CACYBP: variants seen among roughly 807,000 people sequenced by gnomAD.
CACYBP encodes the protein calcyclin binding protein, also known as calcyclin-binding protein.
CACYBP carries 11 observed loss-of-function variants against 29.6 expected under a neutral mutation model. The observed-to-expected ratio is 0.37, with a 90% CI of 0.23 to 0.61. CACYBP has a LOEUF of 0.61. Among genes scored for constraint, CACYBP ranks in the 20% least tolerant of loss-of-function variants. CACYBP has a pLI of 0.65. For synonymous variants in CACYBP, 73 were observed against 88.3 expected (o/e 0.83, Z 0.97); for missense variants, 163 against 260.7 (o/e 0.63, Z 2.58).
rs548573392 is a variant in CACYBP at position 175,011,065 on chromosome 1, C to T, written c.*986C>T. Reference sequence around the variant, plus strand: ...GCTGCAGTGAGCTATGATGATGCCACTGTACTGCAGCTTGGGTAACAGATT... The same window carrying T: ...GCTGCAGTGAGCTATGATGATGCCATTGTACTGCAGCTTGGGTAACAGATT... On this transcript the variant is annotated 3_prime_UTR_variant, in exon 6 of 6. Transcript: ENST00000367679. 1 of 142,168 alleles carries T rather than the reference C, an allele frequency of 7.0e-6. No homozygotes were observed. Among genetic ancestry groups the T allele is most frequent in the East Asian group, 2.2e-4 (1 of 4,626 alleles). 8.8% of individuals were successfully genotyped at this position (142,168 alleles called of 1,614,324 possible). A position where few individuals can be genotyped will look rare whatever the true frequency, so the allele number is the denominator to read the frequency against.
intron 5 of CACYBP, 21 bp from the exon 6 acceptor site, chr1:175,009,902 G>C (rs367883295): frequency 1.4e-5 from 23 of 1,593,162 alleles, no homozygotes; most frequent in Non-Finnish European, 1.9e-5. Context: ...CCCCATTGTT[G>C]TATATGTTTT....
intron 1 of CACYBP, among the ~76,000 whole-genome samples, chr1:175,004,058 A>G (rs1051836800): frequency 3.3e-5 from 5 of 150,942 alleles, no homozygotes; most frequent in Non-Finnish European, 5.9e-5. Context: ...TTTTTTTTTT[A>G]TCTTTTGTCT....
At chr1:175,005,329 G>A (rs1015876195) in intron 2 of CACYBP, among the ~76,000 whole-genome samples, 1 of 134,178 alleles carries the variant, frequency 7.5e-6, no homozygotes, top group Non-Finnish European at 1.5e-5. Flanking sequence ...GTATAACAAT[G>A]TAGTAATACT....
chr1:175,002,977 C>T (rs532685507), intron 1 of CACYBP, among the ~76,000 whole-genome samples: 330 of 150,600 alleles, frequency 2.2e-3, no homozygotes, highest in Middle Eastern at 0.014. Flanking sequence ...TTTTTTGAAA[C>T]CATTACAATA....
At chr1:175,009,650 A>C (rs1574111760) in intron 5 of CACYBP, among the ~76,000 whole-genome samples, 1 of 151,804 alleles carries the variant, frequency 6.6e-6, no homozygotes, top group Non-Finnish European at 1.5e-5. Flanking sequence ...TCTCAAAAAA[A>C]AAAAAAAAAA....
At chr1:175,009,428 C>T (rs982526948) in intron 5 of CACYBP, among the ~76,000 whole-genome samples, 4 of 151,998 alleles carry the variant, frequency 2.6e-5, no homozygotes, top group Non-Finnish European at 5.9e-5. Flanking sequence ...GGCGGATCAC[C>T]TGAGGTCAGG....
At position 175,011,106 on chromosome 1, in the gene CACYBP, T is replaced by TAAAAAAAAAAAAAA. The variant is rs535813233; in HGVS notation, c.*1035_*1048dup. On this transcript the variant is annotated 3_prime_UTR_variant, in exon 6 of 6. Transcript: ENST00000367679. ...GTAACAGATTGAGAACCTGTCTCAT[T>TAAAAAAAAAAAAAA]AAAAAAAAAAAAAAAAAAAAAGCCG... 3.5e-5 allele frequency: 3 copies of TAAAAAAAAAAAAAA among 85,224 alleles called. No homozygotes were observed. Among genetic ancestry groups the TAAAAAAAAAAAAAA allele is most frequent in the African/African-American group, 9.4e-5 (2 of 21,234 alleles). The allele number at this position is 85,224 out of a possible 1,614,324, so 5.3% of individuals were successfully genotyped here. A position where few individuals can be genotyped will look rare whatever the true frequency, so the allele number is the denominator to read the frequency against.
At position 175,000,037 on chromosome 1, in the gene CACYBP, T is replaced by C; in HGVS notation, c.-144T>C. The C allele has an allele frequency of 8.3e-7, 1 of 1,208,666 alleles. No homozygotes were observed. The highest frequency in any genetic ancestry group is 1.2e-6 in the Non-Finnish European group (1 of 844,878). The allele number at this position is 1,208,666 out of a possible 1,614,324, so 74.9% of individuals were successfully genotyped here. ...GCGTGCGGGAGGCGGGCCGCGATCT[T>C]GCGCAGGGTCGGTGTGGGCGCAGGC... On this transcript the variant is annotated 5_prime_UTR_variant, in exon 1 of 6. Transcript: ENST00000367679.
chr1:175,007,938 A>G (rs1026778193), intron 4 of CACYBP, among the ~76,000 whole-genome samples: 2 of 152,214 alleles, frequency 1.3e-5, no homozygotes, highest in Non-Finnish European at 2.9e-5. Context: ...ACATTCTGCC[A>G]TCTGTTTTTA....
intron 1 of CACYBP, 125 bp downstream of exon 1, chr1:175,000,320 C>A: frequency 2.0e-6 from 3 of 1,478,914 alleles, no homozygotes; most frequent in Non-Finnish European, 2.7e-6. Flanking sequence ...CCAGTCAGTG[C>A]GCCGCCTTCC....
At chr1:175,005,973 ACGT>A (rs1672611187) in intron 2 of CACYBP, among the ~76,000 whole-genome samples, 1 of 152,130 alleles carries the variant, frequency 6.6e-6, no homozygotes, top group Admixed American at 6.5e-5. Flanking sequence ...AATGTGAAAA[ACGT>A]CATGGAGGAT....
intron 5 of CACYBP, 173 bp downstream of exon 5, chr1:175,008,879 T>C (rs923873820): frequency 1.0e-5 from 6 of 578,968 alleles, no homozygotes; most frequent in African/African-American, 7.5e-5. Flanking sequence ...GTTGGCTCTT[T>C]AGTGTGGTTC....
intron 1 of CACYBP, chr1:175,000,730 AAAT>A: frequency 1.3e-5 from 6 of 464,592 alleles, no homozygotes; most frequent in Non-Finnish European, 1.4e-5. Flanking sequence ...GGTTGTTAAA[AAAT>A]ATGATTTCTA....
intron 2 of CACYBP, among the ~76,000 whole-genome samples, chr1:175,006,076 G>T (rs1010784935): frequency 6.6e-6 from 1 of 152,126 alleles, no homozygotes; most frequent in Admixed American, 6.5e-5. Flanking sequence ...GCTTTTTTGT[G>T]AAGTTTTTTA....
At position 175,010,228 on chromosome 1, in the gene CACYBP, T is replaced by C. The variant is rs1230305910; in HGVS notation, c.*149T>C. 3 of 603,348 alleles carry C rather than the reference T, an allele frequency of 5.0e-6. No individual in the cohort carries two copies. Among genetic ancestry groups the C allele is most frequent in the African/African-American group, 3.8e-5 (2 of 53,312 alleles). The allele number at this position is 603,348 out of a possible 1,614,324, so 37.4% of individuals were successfully genotyped here. Reference sequence around the variant, plus strand: ...AGGCAATGAATTCTCCATTTCCTACTGGAGGATTTATTTAAATAAAATATG... The same window carrying C: ...AGGCAATGAATTCTCCATTTCCTACCGGAGGATTTATTTAAATAAAATATG... On this transcript the variant is annotated 3_prime_UTR_variant, in exon 6 of 6. Coordinates refer to ENST00000367679, the MANE Select transcript of CACYBP (RefSeq NM_014412.3).
At position 175,000,073 on chromosome 1, in the gene CACYBP, C is replaced by T; in HGVS notation, c.-108C>T. The T allele has an allele frequency of 1.4e-6, 2 of 1,447,202 alleles. No homozygotes were observed. Among genetic ancestry groups the T allele is most frequent in the Non-Finnish European group, 1.9e-6 (2 of 1,053,742 alleles). 89.6% of individuals were successfully genotyped at this position (1,447,202 alleles called of 1,614,324 possible). ...GGTGTGGGCGCAGGCTGCAGCGCCG[C>T]GACTCGTGCGGGTAGGCGTCTGCGC... On this transcript the variant is annotated 5_prime_UTR_variant, in exon 1 of 6. Transcript: ENST00000367679.
At chr1:175,004,362 A>G (rs1029943032) in intron 1 of CACYBP, among the ~76,000 whole-genome samples, 2 of 152,226 alleles carry the variant, frequency 1.3e-5, no homozygotes, top group African/African-American at 4.8e-5. Flanking sequence ...TAAACTGGAA[A>G]ATTTAGGTTT....
chr1:175,002,649 C>T (rs1213960986), intron 1 of CACYBP, among the ~76,000 whole-genome samples: 1 of 152,108 alleles, frequency 6.6e-6, no homozygotes, highest in Non-Finnish European at 1.5e-5. Flanking sequence ...AGTATTTGTG[C>T]AGAAAAAGCA....
At chr1:175,002,191 G>C (rs958681884) in intron 1 of CACYBP, among the ~76,000 whole-genome samples, 2 of 152,200 alleles carry the variant, frequency 1.3e-5, no homozygotes, top group Non-Finnish European at 2.9e-5. Flanking sequence ...GAAACTGTTA[G>C]ACTGTTTCCA....
Sources: gnomAD v4.1 joint callset for allele counts (sites outside exome capture counted in the v4.1 genomes callset) on GRCh38, gnomAD v4.1.1 for gene constraint, MANE v1.5 for transcripts, NCBI Gene and HGNC (gene_info 2026-07-23, HGNC 2026-07-21) for gene names.